PCDHA7: variants seen among roughly 807,000 people sequenced by gnomAD.
PCDHA7 encodes the protein protocadherin alpha 7.
A neutral mutation model predicts 57.2 loss-of-function variants in PCDHA7; 37 were observed. The ratio of observed to expected loss-of-function variants is 0.65; its 90% CI spans 0.50 to 0.85. The LOEUF (loss-of-function observed/expected upper bound fraction) is 0.85, where lower values mean the gene tolerates loss of function less well. PCDHA7 is among the 40% of genes least tolerant of loss of function. The pLI, the probability that PCDHA7 is intolerant of heterozygous loss-of-function variation, is 0.00. For missense variants in PCDHA7, 1,188 were observed against 1,241.8 expected, an observed-to-expected ratio of 0.96 and a Z score of 0.65; for synonymous variants, 553 against 558.8, an observed-to-expected ratio of 0.99 and a Z score of 0.15.
intron 1 of PCDHA7, chr5:140,884,455 G>A: frequency 2.5e-6 from 4 of 1,613,784 alleles, no homozygotes; most frequent in Non-Finnish European, 3.4e-6. Flanking sequence ...CGCCCACCGA[G>A]GGCGCGTGCG....
chr5:140,840,693 G>A (rs1776820788), intron 1 of PCDHA7, among the ~76,000 whole-genome samples: 1 of 152,026 alleles, frequency 6.6e-6, no homozygotes, highest in Non-Finnish European at 1.5e-5. Flanking sequence ...AAATAAAACG[G>A]TTCAGGCAAT....
intron 1 of PCDHA7, among the ~76,000 whole-genome samples, chr5:140,895,233 A>G (rs2064923914): frequency 3.3e-5 from 5 of 152,070 alleles, no homozygotes; most frequent in Admixed American, 2.6e-4. Context: ...GAGTTTTCTC[A>G]TCTCTCTTTT....
chr5:140,967,029 G>A, intron 1 of PCDHA7: 1 of 1,609,056 alleles, frequency 6.2e-7, no homozygotes, highest in Non-Finnish European at 8.5e-7. Flanking sequence ...CCCAGTCCGC[G>A]CTACCTGGAG....
rs189370080 is a variant in PCDHA7 at position 140,877,740 on chromosome 5, G to C, written c.2355+41002G>C. 2.8e-3 allele frequency: 4,494 copies of C among 1,614,198 alleles called. 21 individuals carry two copies. Among genetic ancestry groups the C allele is most frequent in the African/African-American group, 0.01 (782 of 75,064 alleles). On this transcript the variant is annotated intron_variant, in intron 1 of 3. Transcript: ENST00000525929. ...GGTCTTACTCGCAGCAGAGGAGGCA[G>C]AGGGTGTGCTCTGCAGAGAGCCCGC...
chr5:140,842,159 T>A (rs2150330749), intron 1 of PCDHA7: 1 of 1,613,882 alleles, frequency 6.2e-7, no homozygotes, highest in South Asian at 1.1e-5. Context: ...AATTTCATAT[T>A]CTTTTAATAG....
intron 1 of PCDHA7, chr5:140,848,303 C>T: frequency 2.9e-6 from 2 of 685,962 alleles, no homozygotes; most frequent in Non-Finnish European, 5.0e-6. Context: ...CACGTGATGT[C>T]ACTCTTTGCC....
intron 1 of PCDHA7, among the ~76,000 whole-genome samples, chr5:140,975,536 A>G (rs957684886): frequency 2.0e-5 from 3 of 152,226 alleles, no homozygotes; most frequent in Admixed American, 1.3e-4. Flanking sequence ...TATTCTTAAT[A>G]CAGTCCTATT....
intron 1 of PCDHA7, chr5:140,842,932 G>A: frequency 1.3e-6 from 2 of 1,594,566 alleles, no homozygotes; most frequent in East Asian, 2.2e-5. Flanking sequence ...AGGTGAGCGC[G>A]CGCGACGCGG....
chr5:140,977,314 C>CTCCTGATG (rs1482871612), intron 1 of PCDHA7, among the ~76,000 whole-genome samples: 1 of 152,152 alleles, frequency 6.6e-6, no homozygotes, highest in African/African-American at 2.4e-5. Context: ...AACGATAGTG[C>CTCCTGATG]TCCTGATGGC....
chr5:140,876,180 T>C (rs782772220), intron 1 of PCDHA7: 1 of 1,613,982 alleles, frequency 6.2e-7, no homozygotes, highest in South Asian at 1.1e-5. Context: ...TGGATGTGAA[T>C]GACAATGGTC....
chr5:140,875,516 TG>T, intron 1 of PCDHA7: 1 of 1,613,976 alleles, frequency 6.2e-7, no homozygotes, highest in Non-Finnish European at 8.5e-7. Context: ...CAGCGTCTGC[TG>T]CTCTCGCTTC....
At chr5:140,881,719 C>A (rs914788204) in intron 1 of PCDHA7, among the ~76,000 whole-genome samples, 3 of 152,104 alleles carry the variant, frequency 2.0e-5, no homozygotes, top group African/African-American at 7.2e-5. Context: ...GTGAGGAGGT[C>A]TTGAAAAATA....
rs1432182351 is a variant in PCDHA7 at position 140,843,140 on chromosome 5, C to T, written c.2355+6402C>T. 4 of 1,596,022 alleles carry T rather than the reference C, an allele frequency of 2.5e-6. No homozygotes were observed. The East Asian group carries it at 8.9e-5, about 36-fold the overall frequency. On this transcript the variant is annotated intron_variant, in intron 1 of 3. Transcript: ENST00000525929. The stretch of plus-strand genomic sequence containing the variant: ...CGCCGACTCGGGCTACAACGCGTGG[C>T]TTTCGTATGAGCTGCAGCCAGCTGC...
At chr5:140,940,894 T>G (rs1364224332) in intron 1 of PCDHA7, among the ~76,000 whole-genome samples, 1 of 152,240 alleles carries the variant, frequency 6.6e-6, no homozygotes, top group Non-Finnish European at 1.5e-5. Flanking sequence ...AGTAAACCAC[T>G]TTAAATCAAG....
chr5:140,843,887 A>T, intron 1 of PCDHA7: 2 of 705,148 alleles, frequency 2.8e-6, no homozygotes, highest in Non-Finnish European at 4.7e-6. Context: ...ATAATACAGT[A>T]TTAATCATTC....
Position 140,847,536 on chromosome 5 carries a change from G to A in PCDHA7, c.2355+10798G>A, listed in dbSNP as rs1162683759. On this transcript the variant is annotated intron_variant, in intron 1 of 3. Transcript: ENST00000525929. ...AACTTAGTCAGGAAAAGAATCTCAAGCATAGCTTTAAAAACAGAAATTGCC... is the reference window on the plus strand; with the variant it reads ...AACTTAGTCAGGAAAAGAATCTCAAACATAGCTTTAAAAACAGAAATTGCC... 3 of 149,444 alleles carry A rather than the reference G, an allele frequency of 2.0e-5. 1 individual carries two copies. Among genetic ancestry groups the A allele is most frequent in the African/African-American group, 7.3e-5 (3 of 40,850 alleles). The allele number at this position is 149,444 out of a possible 1,614,324, so 9.3% of individuals were successfully genotyped here.
chr5:140,925,320 C>T (rs1201662507), intron 1 of PCDHA7, among the ~76,000 whole-genome samples: 1 of 152,016 alleles, frequency 6.6e-6, no homozygotes, highest in Non-Finnish European at 1.5e-5. Context: ...ACATATTGCA[C>T]CTGTATTAAA....
Position 140,841,941 on chromosome 5 carries a change from C to A in PCDHA7, c.2355+5203C>A, listed in dbSNP as rs2150325943. The A allele has an allele frequency of 6.2e-6, 10 of 1,613,918 alleles. No individual in the cohort carries two copies. In the South Asian group the frequency reaches 7.7e-5, roughly 12 times the overall value. ...TCCTTGGACAGAGAGGACGCTCCTG[C>A]GCACCACTTATTCCTGACAGCCACA... On this transcript the variant is annotated intron_variant, in intron 1 of 3. Coordinates refer to ENST00000525929, the MANE Select transcript of PCDHA7 (RefSeq NM_018910.3).
At chr5:140,856,660 T>A in intron 1 of PCDHA7, 1 of 1,597,974 alleles carries the variant, frequency 6.3e-7, no homozygotes, top group South Asian at 1.1e-5. Flanking sequence ...GTGAAGAAAA[T>A]CCTCAGCTAA....
Sources: gnomAD v4.1 joint callset for allele counts (sites outside exome capture counted in the v4.1 genomes callset) on GRCh38, gnomAD v4.1.1 for gene constraint, MANE v1.5 for transcripts, NCBI Gene and HGNC (gene_info 2026-07-23, HGNC 2026-07-21) for gene names.